Variants in CELF2 observed in about 807,000 individuals in gnomAD.
The protein encoded by CELF2 is CUG triplet repeat RNA-binding protein 2.
CELF2 carries 8 observed loss-of-function variants against 62.6 expected under a neutral mutation model. That is an observed-to-expected ratio of 0.13 (90% CI 0.07 to 0.23). The LOEUF (loss-of-function observed/expected upper bound fraction) is 0.23, where lower values mean the gene tolerates loss of function less well. Among genes scored for constraint, CELF2 ranks in the 10% least tolerant of loss-of-function variants. The pLI is 1.00. For missense variants in CELF2, 333 were observed against 671.0 expected (o/e 0.50, Z 5.56); for synonymous variants, 258 against 250.0 (o/e 1.03, Z -0.30).
intron 3 of CELF2, among the ~76,000 whole-genome samples, chr10:11,230,036 C>T (rs944980404): frequency 1.3e-5 from 2 of 152,186 alleles, no homozygotes; most frequent in Admixed American, 6.5e-5. Flanking sequence ...GATGTACAGG[C>T]ACTGACTCTG....
chr10:10,819,504 T>C (rs2056779085), intron 1 of CELF2, among the ~76,000 whole-genome samples: 1 of 152,194 alleles, frequency 6.6e-6, no homozygotes, highest in South Asian at 2.1e-4. Context: ...CTCATTGTTC[T>C]GGAACTCTCA....
intron 1 of CELF2, among the ~76,000 whole-genome samples, chr10:11,050,634 C>T (rs111585990): frequency 7.1e-4 from 108 of 152,302 alleles, no homozygotes; most frequent in African/African-American, 1.8e-3. Context: ...GGCCTGTTTC[C>T]GTGATCTCCC....
In CELF2 at chr10:11,314,048, G is replaced by C; in HGVS notation, c.977-91G>C. 1 of 1,322,868 alleles carries C rather than the reference G, an allele frequency of 7.6e-7. No homozygotes were observed. The highest frequency in any genetic ancestry group is 1.1e-6 in the Non-Finnish European group (1 of 942,784). The allele number at this position is 1,322,868 out of a possible 1,614,324, so 81.9% of individuals were successfully genotyped here. A position where few individuals can be genotyped will look rare whatever the true frequency, so the allele number is the denominator to read the frequency against. The stretch of plus-strand genomic sequence containing the variant: ...GCCACAAGCACAGCTCCTCAGCTCC[G>C]TCCACTGAGATGATGACAGAAGGAT... On this transcript the variant is annotated intron_variant, in intron 9 of 12. Transcript: ENST00000633077. The surrounding 1 kb of genome is among the most constrained non-coding windows in gnomAD (Gnocchi z 5.3).
the CELF2 span, among the ~76,000 whole-genome samples, chr10:10,757,675 A>G: frequency 2.6e-5 from 4 of 152,188 alleles, no homozygotes; most frequent in Admixed American, 2.6e-4. Context: ...AAAATATAAG[A>G]ATAAGCTACT....
At chr10:10,872,781 G>A (rs975038695) in intron 1 of CELF2, among the ~76,000 whole-genome samples, 3 of 152,176 alleles carry the variant, frequency 2.0e-5, no homozygotes, top group Non-Finnish European at 4.4e-5. Flanking sequence ...TGTCCTTCTG[G>A]TGAAACCTCT....
In CELF2 at chr10:11,012,696, T is replaced by A. The variant is rs138052287; in HGVS notation, c.53+7256T>A. The stretch of plus-strand genomic sequence containing the variant: ...CAGTAAGACAAGAACTTCTGACCAG[T>A]TGGGGAAAACATGTCGTCGGGGTGG... On this transcript the variant is annotated intron_variant, in intron 1 of 12. Coordinates refer to the CELF2 transcript ENST00000416382. The surrounding 1 kb of genome is among the most constrained non-coding windows in gnomAD (Gnocchi z 5.5). Among the ~76,000 whole-genome samples the A allele has an allele frequency of 6.6e-6, 1 of 152,256 alleles. No homozygotes were observed. Among genetic ancestry groups the A allele is most frequent in the Non-Finnish European group, 1.5e-5 (1 of 68,020 alleles).
chr10:10,590,553 A>G, the CELF2 span, among the ~76,000 whole-genome samples: 9 of 152,160 alleles, frequency 5.9e-5, no homozygotes, highest in Admixed American at 5.9e-4. Context: ...CCCTTCTGAT[A>G]ACTTTCCTGC....
At chr10:10,504,757 G>A in the CELF2 span, among the ~76,000 whole-genome samples, 1 of 151,538 alleles carries the variant, frequency 6.6e-6, no homozygotes, top group African/African-American at 2.4e-5. Flanking sequence ...TCTCTATTCA[G>A]AATATGTCAT....
intron 2 of CELF2, among the ~76,000 whole-genome samples, chr10:11,197,070 GGAAA>G (rs1268879099): frequency 7.7e-5 from 6 of 78,100 alleles, no homozygotes; most frequent in Admixed American, 1.4e-4. Flanking sequence ...AAGAAAGAAA[GGAAA>G]GAAAGAAAGA....
intron 3 of CELF2, among the ~76,000 whole-genome samples, chr10:11,241,482 G>C (rs1284677030): frequency 2.0e-5 from 3 of 152,344 alleles, no homozygotes; most frequent in African/African-American, 7.2e-5. Context: ...TTACAGGTGT[G>C]AGTGACCGCG....
At chr10:11,106,867 T>A (rs535963499) in intron 1 of CELF2, among the ~76,000 whole-genome samples, 1 of 152,310 alleles carries the variant, frequency 6.6e-6, no homozygotes, top group African/African-American at 2.4e-5. Flanking sequence ...GTGTGCAGGC[T>A]ACTTCTCAGC....
the CELF2 span, among the ~76,000 whole-genome samples, chr10:10,703,179 T>C: frequency 6.6e-6 from 1 of 152,254 alleles, no homozygotes; most frequent in South Asian, 2.1e-4. Context: ...GTTCTTACCA[T>C]GTGCGGGGAA....
chr10:10,645,381 G>A, the CELF2 span, among the ~76,000 whole-genome samples: 7 of 152,262 alleles, frequency 4.6e-5, no homozygotes, highest in African/African-American at 9.6e-5. Flanking sequence ...GCCTGGGTGC[G>A]GTGGTTCATG....
chr10:11,043,190 C>T (rs1305304123), intron 1 of CELF2, among the ~76,000 whole-genome samples: 1 of 152,092 alleles, frequency 6.6e-6, no homozygotes, highest in Non-Finnish European at 1.5e-5. Flanking sequence ...CCCAGGATCA[C>T]GATCAGTTAA....
the CELF2 span, among the ~76,000 whole-genome samples, chr10:10,775,161 G>A: frequency 6.6e-6 from 1 of 152,176 alleles, no homozygotes; most frequent in Non-Finnish European, 1.5e-5. Context: ...ACAGGCGTGA[G>A]CCACAGTGCC....
rs1051344935 is a variant in CELF2 at position 11,100,221 on chromosome 10, AAAAT to A, written c.75-65245_75-65242del. 8.0e-5 allele frequency among the ~76,000 whole-genome samples: 12 copies of A among 149,792 alleles called. 1 individual carries two copies. The highest frequency in any genetic ancestry group is 1.5e-4 in the Non-Finnish European group (10 of 67,178). On this transcript the variant is annotated intron_variant, in intron 1 of 12. Transcript: ENST00000633077. ...TCTGTCTCAAAATAAATAAATAAAT[AAAAT>A]AAATAAATAAATAAATAAAGTTTAT...
chr10:10,678,115 A>G, the CELF2 span, among the ~76,000 whole-genome samples: 1 of 152,192 alleles, frequency 6.6e-6, no homozygotes, highest in Admixed American at 6.5e-5. Context: ...TTAGCTGTCT[A>G]GCCATCTTTA....
At chr10:10,481,291 T>A in the CELF2 span, among the ~76,000 whole-genome samples, 3 of 152,232 alleles carry the variant, frequency 2.0e-5, no homozygotes, top group Non-Finnish European at 4.4e-5. Flanking sequence ...CTTAATTATT[T>A]ATTACTTGTC....
chr10:10,825,301 C>G (rs1220649340), intron 1 of CELF2, among the ~76,000 whole-genome samples: 1 of 152,198 alleles, frequency 6.6e-6, no homozygotes, highest in African/African-American at 2.4e-5. Context: ...GCTCCGCCTC[C>G]CAGGTTCACA....
Sources: allele counts gnomAD v4.1 joint callset (sites outside exome capture counted in the v4.1 genomes callset), GRCh38; gene constraint gnomAD v4.1.1; non-coding constraint Gnocchi (gnomAD v3.1); transcripts MANE v1.5; gene names NCBI Gene and HGNC (gene_info 2026-07-23, HGNC 2026-07-21).